The following CELF2 variants were observed in gnomAD, a reference collection of about 807,000 sequenced individuals.
CELF2 encodes the protein CUGBP Elav-like family member 2.
A neutral mutation model predicts 62.6 loss-of-function variants in CELF2; 8 were observed. That is an observed-to-expected ratio of 0.13 (90% CI 0.07 to 0.23). The LOEUF (loss-of-function observed/expected upper bound fraction) is 0.23. CELF2 is among the 10% of genes least tolerant of loss of function. The pLI, the probability that CELF2 is intolerant of heterozygous loss-of-function variation, is 1.00. For missense variants in CELF2, 333 were observed against 671.0 expected (o/e 0.50, Z 5.56); for synonymous variants, 258 against 250.0 (o/e 1.03, Z -0.30).
At chr10:10,744,486 G>A in the CELF2 span, among the ~76,000 whole-genome samples, 2 of 152,200 alleles carry the variant, frequency 1.3e-5, no homozygotes, top group African/African-American at 2.4e-5. Flanking sequence ...GTAAGGATAA[G>A]TTGGATCCAG....
chr10:11,235,678 G>A (rs2070948266), intron 3 of CELF2, among the ~76,000 whole-genome samples: 1 of 152,172 alleles, frequency 6.6e-6, no homozygotes, highest in Admixed American at 6.5e-5. Context: ...AATAAATGTA[G>A]CTGCTGAAAA....
intron 1 of CELF2, among the ~76,000 whole-genome samples, chr10:11,100,761 C>T (rs1022836478): frequency 4.6e-5 from 7 of 152,148 alleles, no homozygotes; most frequent in African/African-American, 1.7e-4. Context: ...TTTAACATTG[C>T]AAGCCCAATG....
intron 2 of CELF2, among the ~76,000 whole-genome samples, chr10:11,197,843 G>A (rs180911604): frequency 6.6e-5 from 10 of 152,290 alleles, no homozygotes; most frequent in Non-Finnish European, 1.0e-4. Flanking sequence ...CTTCTGTAGC[G>A]TTTTGATACT....
chr10:11,170,322 T>G (rs996777869), intron 2 of CELF2, among the ~76,000 whole-genome samples: 7 of 152,190 alleles, frequency 4.6e-5, no homozygotes, highest in African/African-American at 1.4e-4. Flanking sequence ...GCCCTCAGAC[T>G]TCTCAGTAAA....
intron 1 of CELF2, among the ~76,000 whole-genome samples, chr10:11,048,528 A>G (rs191782579): frequency 6.6e-6 from 1 of 152,310 alleles, no homozygotes; most frequent in African/African-American, 2.4e-5. Context: ...TTTCTGTTTT[A>G]TCCCACCTCT....
chr10:10,679,015 T>A, the CELF2 span, among the ~76,000 whole-genome samples: 1 of 152,100 alleles, frequency 6.6e-6, no homozygotes, highest in African/African-American at 2.4e-5. Flanking sequence ...CCAGGGGAAT[T>A]GTGATTATGG....
At chr10:10,498,791 A>T in the CELF2 span, among the ~76,000 whole-genome samples, 3 of 152,228 alleles carry the variant, frequency 2.0e-5, no homozygotes, top group South Asian at 4.1e-4. Flanking sequence ...CATTTCATTA[A>T]AAAGGACATT....
At chr10:10,471,138 T>C in the CELF2 span, among the ~76,000 whole-genome samples, 1 of 151,752 alleles carries the variant, frequency 6.6e-6, no homozygotes, top group Non-Finnish European at 1.5e-5. Flanking sequence ...AATCAATATA[T>C]ATTTTGATTT....
the CELF2 span, among the ~76,000 whole-genome samples, chr10:10,660,913 T>G: frequency 1.3e-5 from 2 of 152,218 alleles, no homozygotes; most frequent in Non-Finnish European, 2.9e-5. Context: ...TGCTAACATA[T>G]TGCCACCAAT....
In CELF2 at chr10:11,332,569, T is replaced by A. The variant is rs1345567604; in HGVS notation, c.*3516T>A. On this transcript the variant is annotated 3_prime_UTR_variant, in exon 13 of 13. Coordinates refer to ENST00000633077, the MANE Select transcript of CELF2 (RefSeq NM_001326342.2). The stretch of plus-strand genomic sequence containing the variant: ...CTTTCTACGAACAGGTACCTTGCTG[T>A]CTTGACAAATCCTAATGTCACGCCT... 1 of 151,226 alleles carries A rather than the reference T, an allele frequency of 6.6e-6. No homozygotes were observed. 9.4% of individuals were successfully genotyped at this position (151,226 alleles called of 1,614,324 possible). A position where few individuals can be genotyped will look rare whatever the true frequency, so the allele number is the denominator to read the frequency against.
At position 11,098,730 on chromosome 10, in the gene CELF2, T is replaced by C. The variant is rs906838534; in HGVS notation, c.75-66756T>C. 1.3e-5 allele frequency among the ~76,000 whole-genome samples: 2 copies of C among 152,228 alleles called. No individual in the cohort carries two copies. The highest frequency in any genetic ancestry group is 4.8e-5 in the African/African-American group (2 of 41,446). On this transcript the variant is annotated intron_variant, in intron 1 of 12. Coordinates refer to ENST00000633077, the MANE Select transcript of CELF2 (RefSeq NM_001326342.2). The surrounding 1 kb of genome is among the most constrained non-coding windows in gnomAD (Gnocchi z 4.0). ...TACAGTAGAATGTCTGGCCTTACTTTTCTGTAAACTGCGGCCACTTTGTCC... is the reference window on the plus strand; with the variant it reads ...TACAGTAGAATGTCTGGCCTTACTTCTCTGTAAACTGCGGCCACTTTGTCC...
chr10:10,662,036 C>CG, the CELF2 span, among the ~76,000 whole-genome samples: 30 of 151,856 alleles, frequency 2.0e-4, no homozygotes, highest in South Asian at 6.3e-4. Flanking sequence ...TGGAGAGTTG[C>CG]GGGGGGTGGA....
upstream of CELF2, among the ~76,000 whole-genome samples, chr10:11,000,373 A>AT (rs1250725695): frequency 6.6e-6 from 1 of 151,838 alleles, no homozygotes; most frequent in Non-Finnish European, 1.5e-5. Context: ...TCTAGTACCT[A>AT]TTTTCAAGTG....
chr10:10,819,483 C>T (rs932598294), intron 1 of CELF2, among the ~76,000 whole-genome samples: 4 of 152,130 alleles, frequency 2.6e-5, no homozygotes, highest in Non-Finnish European at 4.4e-5. Context: ...TCCAGTGGCC[C>T]ACTTTTAACC....
At chr10:10,626,134 A>C in the CELF2 span, among the ~76,000 whole-genome samples, 1 of 152,080 alleles carries the variant, frequency 6.6e-6, no homozygotes, top group African/African-American at 2.4e-5. Flanking sequence ...CCTTGAACTT[A>C]ATTTCATTAA....
intron 1 of CELF2, among the ~76,000 whole-genome samples, chr10:10,821,262 G>A (rs1263139832): frequency 6.6e-6 from 1 of 152,158 alleles, no homozygotes; most frequent in Non-Finnish European, 1.5e-5. Flanking sequence ...GGAATTCCAA[G>A]GGAATGGCTG....
In CELF2 at chr10:11,318,514, G is replaced by A. The variant is rs949028959; in HGVS notation, c.1097-2675G>A. ...GAAGTAAACACGACCCTTCCAGAAA[G>A]CAGATTAGCTCTGAGGTGTAGTCCA... On this transcript the variant is annotated intron_variant, in intron 10 of 12. Coordinates refer to ENST00000633077, the MANE Select transcript of CELF2 (RefSeq NM_001326342.2). This position sits in a 1 kb window ranked among gnomAD's most constrained non-coding sequence, Gnocchi z 5.4. 16 of 349,252 alleles carry A rather than the reference G, an allele frequency of 4.6e-5. No homozygotes were observed. The highest frequency in any genetic ancestry group is 8.5e-5 in the Non-Finnish European group (15 of 176,706). 21.6% of individuals were successfully genotyped at this position (349,252 alleles called of 1,614,324 possible).
At chr10:10,773,669 A>G in the CELF2 span, among the ~76,000 whole-genome samples, 25 of 152,318 alleles carry the variant, frequency 1.6e-4, no homozygotes, top group Non-Finnish European at 2.9e-4. Flanking sequence ...TTTTCTAAAA[A>G]TGCAAATCCT....
At chr10:11,199,573 T>C (rs1311266922) in intron 2 of CELF2, among the ~76,000 whole-genome samples, 1 of 152,156 alleles carries the variant, frequency 6.6e-6, no homozygotes, top group Non-Finnish European at 1.5e-5. Flanking sequence ...CAAGTGTGCC[T>C]TCTCTTGAAA....
Sources: allele counts gnomAD v4.1 joint callset (sites outside exome capture counted in the v4.1 genomes callset), GRCh38; gene constraint gnomAD v4.1.1; non-coding constraint Gnocchi (gnomAD v3.1); transcripts MANE v1.5; gene names NCBI Gene and HGNC (gene_info 2026-07-23, HGNC 2026-07-21).